The following TERT variants were observed in gnomAD, a reference collection of about 807,000 sequenced individuals.
TERT encodes telomerase reverse transcriptase.
Under a neutral mutation model 104.0 loss-of-function variants are expected in TERT, and 42 were observed. The ratio of observed to expected loss-of-function variants is 0.40; its 90% CI spans 0.32 to 0.52. The LOEUF is 0.52. TERT is among the 20% of genes least tolerant of loss of function. TERT has a pLI of 0.43. For missense variants in TERT, 1,101 were observed against 1,610.3 expected (o/e 0.68, Z 5.41); for synonymous variants, 781 against 725.6 (o/e 1.08, Z -1.23).
chr5:1,271,509 C>T (rs533357792), intron 7 of TERT, among the ~76,000 whole-genome samples: 146 of 152,308 alleles, frequency 9.6e-4, no homozygotes, highest in African/African-American at 3.3e-3. Context: ...GCCCAGCTGC[C>T]GGGCACAGGG....
rs964696989 is a variant in TERT, at chr5:1,280,673, C to T, written c.1770-335G>A. 5.9e-5 allele frequency among the ~76,000 whole-genome samples: 9 copies of T among 152,322 alleles called. No individual in the cohort carries two copies. In the South Asian group the frequency reaches 6.2e-4, roughly 11 times the overall value. On this transcript the variant is annotated intron_variant, in intron 3 of 15. Transcript: ENST00000310581. ...CCACGTGAACCCATGCCCCTCCACA[C>T]AGGATGCCTGTCCCTCTGGTACAGC...
At chr5:1,266,362 T>C (rs2126600768) in intron 10 of TERT, 102 bp downstream of exon 10, 1 of 1,059,414 alleles carries the variant, frequency 9.4e-7, no homozygotes, top group South Asian at 1.3e-5. Flanking sequence ...AGAGAGGACT[T>C]GGCAGAGACA....
chr5:1,276,939 C>T (rs983483791), intron 6 of TERT, among the ~76,000 whole-genome samples: 42 of 152,254 alleles, frequency 2.8e-4, no homozygotes, highest in Admixed American at 1.2e-3. Flanking sequence ...AAGACACACA[C>T]GGCACAGAGA....
intron 2 of TERT, among the ~76,000 whole-genome samples, chr5:1,290,479 A>C (rs1234729594): frequency 2.9e-3 from 43 of 14,612 alleles, no homozygotes; most frequent in South Asian, 3.5e-3. Flanking sequence ...CCTCGCGTCA[A>C]TCACCCTGCA....
chr5:1,290,761 G>A (rs1750861117), intron 2 of TERT, among the ~76,000 whole-genome samples: 1 of 88,976 alleles, frequency 1.1e-5, no homozygotes, highest in Non-Finnish European at 2.1e-5. Context: ...GACACCCGGG[G>A]ACCGCGCCTC....
At chr5:1,294,726 G>T in intron 1 of TERT, 45 bp downstream of exon 1, 2 of 1,570,256 alleles carry the variant, frequency 1.3e-6, no homozygotes, top group East Asian at 4.6e-5. Context: ...GGTTCCCCCC[G>T]GCCGCCCTCA....
intron 11 of TERT, among the ~76,000 whole-genome samples, chr5:1,260,836 A>C (rs1362427113): frequency 6.6e-6 from 1 of 152,230 alleles, no homozygotes; most frequent in East Asian, 1.9e-4. Flanking sequence ...GAGTGTATCC[A>C]AACCTCGCAC....
chr5:1,260,357 C>G, intron 12 of TERT, 117 bp downstream of exon 12: 1 of 1,531,844 alleles, frequency 6.5e-7, no homozygotes, highest in South Asian at 1.1e-5. Flanking sequence ...TACATGTGCA[C>G]TCTTACGTGC....
intron 14 of TERT, 103 bp from the exon 15 acceptor site, chr5:1,254,608 T>C: frequency 1.4e-6 from 2 of 1,390,276 alleles, no homozygotes; most frequent in East Asian, 2.5e-5. Context: ...GGTGGCTCCA[T>C]CTCTGGCTGT....
rs1579587091 is a variant in TERT at position 1,287,019 on chromosome 5, T to C, written c.1574-4395A>G. Among the ~76,000 whole-genome samples the C allele has an allele frequency of 2.0e-5, 3 of 150,914 alleles. No individual in the cohort carries two copies. Among genetic ancestry groups the C allele is most frequent in the Admixed American group, 1.3e-4 (2 of 15,154 alleles). The stretch of plus-strand genomic sequence containing the variant: ...GAAACGCACATGGCAACCCAAGAGG[T>C]GGTGAGAAACAAGGGAACGAGGACA... On this transcript the variant is annotated intron_variant, in intron 2 of 15. Transcript: ENST00000310581. This position sits in a 1 kb window ranked among gnomAD's most constrained non-coding sequence, Gnocchi z 4.3.
At chr5:1,259,089 A>G (rs1747976175) in intron 12 of TERT, among the ~76,000 whole-genome samples, 1 of 134,936 alleles carries the variant, frequency 7.4e-6, no homozygotes, top group Admixed American at 7.7e-5. Context: ...TGCCCACAGG[A>G]GAGGGGGAGT....
chr5:1,284,409 C>CA (rs1750311390), intron 2 of TERT, among the ~76,000 whole-genome samples: 1 of 149,474 alleles, frequency 6.7e-6, no homozygotes, highest in Non-Finnish European at 1.5e-5. Context: ...CTGCACCATC[C>CA]GGACACCGCA....
intron 2 of TERT, among the ~76,000 whole-genome samples, chr5:1,291,589 G>A (rs1201275543): frequency 4.7e-5 from 6 of 127,472 alleles, no homozygotes; most frequent in Non-Finnish European, 8.6e-5. Context: ...CACGTGACAG[G>A]GACACCCGGG....
rs1748136402 is a variant in TERT at position 1,260,366 on chromosome 5, GCAGC to G, written c.2970+104_2970+107del. The G allele has an allele frequency of 5.8e-6, 9 of 1,558,430 alleles. No homozygotes were observed. In the East Asian group the frequency reaches 2.0e-4, roughly 35 times the overall value. ...TATGCGTACATGTGCACTCTTACGT[GCAGC>G]CAGTCACCATCAGCCTTGCAGGCAC... On this transcript the variant is annotated intron_variant, in intron 12 of 15. Transcript: ENST00000310581.
chr5:1,272,388 G>T, intron 6 of TERT, 108 bp from the exon 7 acceptor site: 2 of 1,010,108 alleles, frequency 2.0e-6, no homozygotes. Flanking sequence ...AAGCCCGATG[G>T]CGGGATGAAG....
rs1166504806 is a variant in TERT at position 1,286,707 on chromosome 5, A to G, written c.1574-4083T>C. 2.0e-5 allele frequency among the ~76,000 whole-genome samples: 3 copies of G among 152,102 alleles called. No homozygotes were observed. Among genetic ancestry groups the G allele is most frequent in the South Asian group, 2.1e-4 (1 of 4,806 alleles). On this transcript the variant is annotated intron_variant, in intron 2 of 15. Transcript: ENST00000310581. This position sits in a 1 kb window ranked among gnomAD's most constrained non-coding sequence, Gnocchi z 5.3. The stretch of plus-strand genomic sequence containing the variant: ...AGCCTGGCCAACATGGTGAAAGCCT[A>G]TCTCTACTAAAAATACAAAAATTAG...
chr5:1,255,291 G>A lies in TERT; in HGVS notation c.3153C>T (p.Asn1051=), dbSNP rs771025266. The A allele has an allele frequency of 2.8e-5, 45 of 1,613,652 alleles. No individual in the cohort carries two copies. Among genetic ancestry groups the A allele is most frequent in the South Asian group, 1.2e-4 (11 of 90,978 alleles). The stretch of plus-strand genomic sequence containing the variant: ...AGGCCAGGCACCTGCACATACCTGC[G>A]TTCTTGGCTTTCAGGATGGAGTAGC... ...SLCYSILKAK[N]AGMSLGAKGA... is the part of the protein sequence containing the mutation. The change falls in exon 14 of 16, where the codon AAC becomes AAT. Residue 1051 remains asparagine, a synonymous_variant. Coordinates refer to ENST00000310581, the MANE Select transcript of TERT (RefSeq NM_198253.3). The surrounding 1 kb of genome is among the most constrained non-coding windows in gnomAD (Gnocchi z 6.9).
At chr5:1,279,223 T>C in intron 5 of TERT, 68 bp downstream of exon 5, 1 of 1,511,632 alleles carries the variant, frequency 6.6e-7, no homozygotes, top group Admixed American at 2.0e-5. Flanking sequence ...CCACCCAACA[T>C]GAGGTGCCAA....
At position 1,266,492 on chromosome 5, in the gene TERT, G is replaced by A. The variant is rs1483412488; in HGVS notation, c.2626C>T (p.His876Tyr). 1 of 1,610,468 alleles carries A rather than the reference G, an allele frequency of 6.2e-7. No individual in the cohort carries two copies. The highest frequency in any genetic ancestry group is 8.5e-7 in the Non-Finnish European group (1 of 1,178,486). ...LVDDFLLVTP[H>Y]LTHAKTFLRT... Reference sequence around the variant, plus strand: ...AGGAAGGTTTTCGCGTGGGTGAGGTGAGGTGTCACCAACAAGAAATCATCC... The same window carrying A: ...AGGAAGGTTTTCGCGTGGGTGAGGTAAGGTGTCACCAACAAGAAATCATCC... Residue 876 changes from histidine to tyrosine, a missense_variant, in exon 10 of 16, where the codon CAC (histidine) becomes TAC (tyrosine). Physicochemically the swap from His to Tyr is moderately conservative, Grantham distance 83. This residue lies in a region of TERT where 463 missense variants were observed against 797.5 expected (regional missense o/e 0.58). Transcript: ENST00000310581.
Sources: allele counts gnomAD v4.1 joint callset (sites outside exome capture counted in the v4.1 genomes callset), GRCh38; gene constraint gnomAD v4.1.1; regional missense constraint gnomAD v4.1.1; non-coding constraint Gnocchi (gnomAD v3.1); transcripts MANE v1.5; gene names NCBI Gene and HGNC (gene_info 2026-07-23, HGNC 2026-07-21).